Variants in KCNQ1 observed in about 807,000 individuals in gnomAD.
The protein encoded by KCNQ1 is potassium voltage-gated channel subfamily KQT member 1.
In KCNQ1, 49 loss-of-function variants were observed where a neutral mutation model predicts 72.4. The ratio of observed to expected loss-of-function variants is 0.68; its 90% CI spans 0.54 to 0.86. KCNQ1 has a LOEUF of 0.86. KCNQ1 is among the 40% of genes least tolerant of loss of function. KCNQ1 has a pLI of 0.00. For synonymous variants in KCNQ1, 450 were observed against 412.6 expected (o/e 1.09, Z -1.10); for missense variants, 790 against 945.1 (o/e 0.84, Z 2.15).
chr11:2,686,223 C>T (rs1227414122), intron 11 of KCNQ1: 2 of 398,782 alleles, frequency 5.0e-6, no homozygotes, highest in Non-Finnish European at 8.8e-6. Context: ...AGCTGTGTGA[C>T]CTTTAGGCCT....
chr11:2,690,855 C>T lies in KCNQ1; in HGVS notation c.1514+28774C>T, dbSNP rs1590035130. 1 of 398,572 alleles carries T rather than the reference C, an allele frequency of 2.5e-6. No homozygotes were observed. Among genetic ancestry groups the T allele is most frequent in the Non-Finnish European group, 4.4e-6 (1 of 226,060 alleles). 24.7% of individuals were successfully genotyped at this position (398,572 alleles called of 1,614,324 possible). On this transcript the variant is annotated intron_variant, in intron 11 of 15. Coordinates refer to ENST00000155840, the MANE Select transcript of KCNQ1 (RefSeq NM_000218.3). The surrounding 1 kb of genome is among the most constrained non-coding windows in gnomAD (Gnocchi z 5.1). ...GCACTCCCACTGTTAGGAACAGGTA[C>T]CTTTAGGGACACAGGAGTGTAAGCC...
intron 10 of KCNQ1, among the ~76,000 whole-genome samples, chr11:2,591,708 A>T (rs907270879): frequency 1.3e-5 from 2 of 152,256 alleles, no homozygotes; most frequent in African/African-American, 4.8e-5. Flanking sequence ...CGGAATGTTA[A>T]TGAGGGGCAA....
At chr11:2,630,280 AT>A (rs1308084255) in intron 10 of KCNQ1, 6 of 398,094 alleles carry the variant, frequency 1.5e-5, no homozygotes, top group South Asian at 1.3e-4. Flanking sequence ...GTGATATATG[AT>A]TTTTTTAATG....
chr11:2,698,542 CCTTTA>C lies in KCNQ1; in HGVS notation c.1514+36465_1514+36469del, dbSNP rs1850716083. 2.5e-6 allele frequency: 1 copy of C among 398,390 alleles called. No individual in the cohort carries two copies. Among genetic ancestry groups the C allele is most frequent in the Admixed American group, 4.4e-5 (1 of 22,694 alleles). 24.7% of individuals were successfully genotyped at this position (398,390 alleles called of 1,614,324 possible). The stretch of plus-strand genomic sequence containing the variant: ...TCACCACCCCCAACTCAGACTGCAA[CCTTTA>C]CTTCGCCCCCTAATTCCTGACTCAG... On this transcript the variant is annotated intron_variant, in intron 11 of 15. Transcript: ENST00000155840. This position sits in a 1 kb window ranked among gnomAD's most constrained non-coding sequence, Gnocchi z 5.1.
Position 2,541,194 on chromosome 11 carries a change from A to T in KCNQ1, c.477+13176A>T, listed in dbSNP as rs1847817382. Among the ~76,000 whole-genome samples the T allele has an allele frequency of 6.6e-6, 1 of 152,250 alleles. No homozygotes were observed. Among genetic ancestry groups the T allele is most frequent in the African/African-American group, 2.4e-5 (1 of 41,468 alleles). On this transcript the variant is annotated intron_variant, in intron 2 of 15. Transcript: ENST00000155840. This position sits in a 1 kb window ranked among gnomAD's most constrained non-coding sequence, Gnocchi z 4.8. ...TTGCACATTTAATCCAGAAACTGTC[A>T]GCATGGGAAGCCTGGATGAGAACAA...
intron 11 of KCNQ1, chr11:2,685,673 G>C (rs1850475724): frequency 2.5e-6 from 1 of 398,522 alleles, no homozygotes; most frequent in Admixed American, 4.4e-5. Context: ...AAGTTCAGGG[G>C]TCCCATGTGG....
chr11:2,474,008 C>G lies in KCNQ1; in HGVS notation c.386+28524C>G, dbSNP rs762562524. Among the ~76,000 whole-genome samples the G allele has an allele frequency of 1.4e-4, 22 of 152,238 alleles. 1 individual carries two copies. The highest frequency in any genetic ancestry group is 2.4e-4 in the Non-Finnish European group (16 of 68,032). On this transcript the variant is annotated intron_variant, in intron 1 of 15. Transcript: ENST00000155840. ...GGAGGTAAGCGGGCAGCCGGGCCAA[C>G]CTGCTGCTTGGGGAAGGGCTGTGGC...
At chr11:2,681,959 C>A (rs1407228460) in intron 11 of KCNQ1, 1 of 398,646 alleles carries the variant, frequency 2.5e-6, no homozygotes, top group Admixed American at 4.4e-5. Context: ...ACTACTTACA[C>A]TTCCTGTTTG....
intron 11 of KCNQ1, chr11:2,697,632 T>C (rs185275949): frequency 1.8e-4 from 73 of 398,608 alleles, no homozygotes; most frequent in African/African-American, 1.4e-3. Context: ...GAGGGAACCA[T>C]ATGGTTTTTC....
intron 1 of KCNQ1, among the ~76,000 whole-genome samples, chr11:2,472,353 GGT>G (rs1007037195): frequency 2.7e-5 from 4 of 149,888 alleles, no homozygotes; most frequent in African/African-American, 7.4e-5. Flanking sequence ...TGTGTTTGTG[GGT>G]GTGTGTGTAC....
rs577008606 is a variant in KCNQ1, at chr11:2,731,411, G to A, written c.1515-37433G>A. 1.6e-4 allele frequency among the ~76,000 whole-genome samples: 25 copies of A among 152,324 alleles called. No individual in the cohort carries two copies. In the East Asian group the frequency reaches 2.5e-3, roughly 15 times the overall value. On this transcript the variant is annotated intron_variant, in intron 11 of 15. Coordinates refer to ENST00000155840, the MANE Select transcript of KCNQ1 (RefSeq NM_000218.3). The stretch of plus-strand genomic sequence containing the variant: ...TGGCACATTCCGGCTGTGTGTCAGC[G>A]GGAGAGGCCTGGGAAAGGGAGCCAG...
chr11:2,772,277 T>C lies in KCNQ1; in HGVS notation c.1590+3358T>C, dbSNP rs941960629. ...CCTCAGGGGCTGCTGACATGGCAGG[T>C]GACCCCTCTGCCTACCTTGCTGGCT... On this transcript the variant is annotated intron_variant, in intron 12 of 15. Transcript: ENST00000155840. This position sits in a 1 kb window ranked among gnomAD's most constrained non-coding sequence, Gnocchi z 6.6. Among the ~76,000 whole-genome samples, 1 of 152,034 alleles carries C rather than the reference T, an allele frequency of 6.6e-6. No individual in the cohort carries two copies. The highest frequency in any genetic ancestry group is 2.4e-5 in the African/African-American group (1 of 41,390).
Position 2,625,771 on chromosome 11 carries a change from C to A in KCNQ1, c.1394-36190C>A, listed in dbSNP as rs562123353. ...TTTTTAGTAGAGACGGGGTTTCACC[C>A]TGTTAGCCAGGATGGTCTCAATCTC... On this transcript the variant is annotated intron_variant, in intron 10 of 15. Transcript: ENST00000155840. The A allele has an allele frequency of 6.5e-5, 26 of 397,396 alleles. No homozygotes were observed. The South Asian group carries it at 3.2e-3, about 49-fold the overall frequency. The allele number at this position is 397,396 out of a possible 1,614,324, so 24.6% of individuals were successfully genotyped here.
rs779144403 is a variant in KCNQ1 at position 2,516,820 on chromosome 11, T to C, written c.387-11108T>C. Among the ~76,000 whole-genome samples, 9 of 152,146 alleles carry C rather than the reference T, an allele frequency of 5.9e-5. No homozygotes were observed. Among genetic ancestry groups the C allele is most frequent in the African/African-American group, 2.2e-4 (9 of 41,438 alleles). On this transcript the variant is annotated intron_variant, in intron 1 of 15. Coordinates refer to ENST00000155840, the MANE Select transcript of KCNQ1 (RefSeq NM_000218.3). The surrounding 1 kb of genome is among the most constrained non-coding windows in gnomAD (Gnocchi z 7.0). ...GCCCAGAGGTGTGCCAGGGCTGCACTGGGCTCTTCTGGTGGGGAGGGACAT... is the reference window on the plus strand; with the variant it reads ...GCCCAGAGGTGTGCCAGGGCTGCACCGGGCTCTTCTGGTGGGGAGGGACAT...
At chr11:2,467,023 G>A (rs1846361711) in intron 1 of KCNQ1, among the ~76,000 whole-genome samples, 1 of 152,182 alleles carries the variant, frequency 6.6e-6, no homozygotes, top group African/African-American at 2.4e-5. Context: ...GGAGCCTGAG[G>A]GAGTGCCTTC....
rs1469987626 is a variant in KCNQ1 at position 2,661,765 on chromosome 11, G to A, written c.1394-196G>A. On this transcript the variant is annotated intron_variant, in intron 10 of 15. Transcript: ENST00000155840. This position sits in a 1 kb window ranked among gnomAD's most constrained non-coding sequence, Gnocchi z 5.9. The stretch of plus-strand genomic sequence containing the variant: ...CTGGCCTTTATTCTCCTCAGACACT[G>A]AGGTGTCAGGCACTTTGGGGCCATC... 3.1e-6 allele frequency: 2 copies of A among 651,038 alleles called. No individual in the cohort carries two copies. The highest frequency in any genetic ancestry group is 5.5e-6 in the Non-Finnish European group (2 of 363,212). The allele number at this position is 651,038 out of a possible 1,614,324, so 40.3% of individuals were successfully genotyped here.
At chr11:2,489,297 A>G (rs1023803731) in intron 1 of KCNQ1, among the ~76,000 whole-genome samples, 2 of 152,184 alleles carry the variant, frequency 1.3e-5, no homozygotes, top group Non-Finnish European at 2.9e-5. Context: ...CCCTGTTGCC[A>G]CAGAAAGCAG....
At chr11:2,527,702 C>T (rs973133147) in intron 1 of KCNQ1, among the ~76,000 whole-genome samples, 4 of 152,246 alleles carry the variant, frequency 2.6e-5, no homozygotes, top group African/African-American at 7.2e-5. Context: ...GACCCATCCA[C>T]GTGGCAGCAT....
chr11:2,568,286 TAAATA>T (rs1251032788), intron 2 of KCNQ1, among the ~76,000 whole-genome samples: 1 of 151,142 alleles, frequency 6.6e-6, no homozygotes, highest in Non-Finnish European at 1.5e-5. Context: ...AATAAATAAA[TAAATA>T]AATAAATAAA....
Sources: gnomAD v4.1 joint callset for allele counts (sites outside exome capture counted in the v4.1 genomes callset) on GRCh38, gnomAD v4.1.1 for gene constraint, Gnocchi (gnomAD v3.1) non-coding constraint, MANE v1.5 for transcripts, NCBI Gene and HGNC (gene_info 2026-07-23, HGNC 2026-07-21) for gene names.